METAP2: variants seen among roughly 807,000 people sequenced by gnomAD.
The protein encoded by METAP2 is methionyl aminopeptidase 2, also known as methionine aminopeptidase 2.
Under a neutral mutation model 59.4 loss-of-function variants are expected in METAP2, and 25 were observed. The observed-to-expected ratio is 0.42, with a 90% CI of 0.31 to 0.59. The LOEUF is 0.59. METAP2 is among the 20% of genes least tolerant of loss of function. The pLI is 0.16. For missense variants in METAP2, 366 were observed against 581.2 expected, an observed-to-expected ratio of 0.63 and a Z score of 3.81; for synonymous variants, 214 against 194.1, an observed-to-expected ratio of 1.10 and a Z score of -0.85.
intron 2 of METAP2, among the ~76,000 whole-genome samples, chr12:95,481,815 A>G (rs1385251939): frequency 1.3e-5 from 2 of 152,224 alleles, no homozygotes; most frequent in African/African-American, 4.8e-5. Context: ...GTTGTGCTAC[A>G]TACACTAGGT....
At chr12:95,476,885 T>G (rs1203414483) in intron 2 of METAP2, among the ~76,000 whole-genome samples, 1 of 152,200 alleles carries the variant, frequency 6.6e-6, no homozygotes, top group Non-Finnish European at 1.5e-5. Context: ...AGTAACCTAC[T>G]TGTGCTTAGA....
At chr12:95,478,726 TG>T (rs2076138479) in intron 2 of METAP2, among the ~76,000 whole-genome samples, 1 of 152,136 alleles carries the variant, frequency 6.6e-6, no homozygotes, top group Non-Finnish European at 1.5e-5. Context: ...TAAAATTTAT[TG>T]AAATTTGGTG....
At chr12:95,475,789 T>G (rs1428165602) in intron 1 of METAP2, among the ~76,000 whole-genome samples, 2 of 152,136 alleles carry the variant, frequency 1.3e-5, no homozygotes, top group Non-Finnish European at 1.5e-5. Context: ...CTGACCACTA[T>G]TACAAGTTAA....
chr12:95,492,124 A>ATGTATGTGTG (rs2076242006), intron 4 of METAP2, among the ~76,000 whole-genome samples: 2 of 81,490 alleles, frequency 2.5e-5, no homozygotes, highest in African/African-American at 7.2e-5. Context: ...GTGTATGTAT[A>ATGTATGTGTG]TGTGTGTTTG....
intron 6 of METAP2, 60 bp from the exon 7 acceptor site, chr12:95,495,944 G>A: frequency 2.0e-6 from 2 of 1,019,624 alleles, no homozygotes; most frequent in Non-Finnish European, 3.0e-6. Context: ...ATTAAATGCT[G>A]TAAAGTAGAT....
chr12:95,481,783 TATC>T (rs1464396366), intron 2 of METAP2, among the ~76,000 whole-genome samples: 1 of 152,234 alleles, frequency 6.6e-6, no homozygotes, highest in African/African-American at 2.4e-5. Context: ...ATTGGTGATG[TATC>T]TTCAAGTATT....
At chr12:95,486,098 G>A in intron 4 of METAP2, 117 bp downstream of exon 4, 1 of 721,922 alleles carries the variant, frequency 1.4e-6, no homozygotes, top group South Asian at 1.9e-5. Context: ...TTATAAATTT[G>A]TCATAAAGAA....
At chr12:95,484,737 G>A in intron 3 of METAP2, 1 of 401,364 alleles carries the variant, frequency 2.5e-6, no homozygotes, top group Non-Finnish European at 4.8e-6. Flanking sequence ...TAGTATCAAG[G>A]ATAATTGTGT....
intron 7 of METAP2, among the ~76,000 whole-genome samples, chr12:95,499,719 T>C (rs556626747): frequency 6.6e-6 from 1 of 152,252 alleles, no homozygotes; most frequent in South Asian, 2.1e-4. Context: ...TTCACACTGC[T>C]ATAAAGAAAT....
At chr12:95,483,105 C>G in intron 2 of METAP2, 110 bp from the exon 3 acceptor site, 1 of 827,844 alleles carries the variant, frequency 1.2e-6, no homozygotes, top group Non-Finnish European at 2.1e-6. Flanking sequence ...ATAAAATAAA[C>G]TAACGTTTGT....
chr12:95,511,892 C>T lies in METAP2; in HGVS notation c.965-3C>T. ...ACTTTTATTTCCCTATTTTTTATAA[C>T]AGTGAAACCAATCCGTAATCTAAAT... On this transcript the variant is annotated splice_region_variant and splice_polypyrimidine_tract_variant and intron_variant, in intron 8 of 10. Coordinates refer to ENST00000323666, the MANE Select transcript of METAP2 (RefSeq NM_006838.4). 1 of 1,592,096 alleles carries T rather than the reference C, an allele frequency of 6.3e-7. No homozygotes were observed. The highest frequency in any genetic ancestry group is 1.1e-5 in the South Asian group (1 of 88,558).
At chr12:95,497,574 T>G (rs956496848) in intron 7 of METAP2, among the ~76,000 whole-genome samples, 2 of 152,216 alleles carry the variant, frequency 1.3e-5, no homozygotes, top group Non-Finnish European at 2.9e-5. Context: ...TGTTTTCAAT[T>G]CTTGGGTATA....
At chr12:95,512,716 G>A in intron 9 of METAP2, 85 bp from the exon 10 acceptor site, 1 of 656,264 alleles carries the variant, frequency 1.5e-6, no homozygotes, top group Non-Finnish European at 2.6e-6. Flanking sequence ...GTCTCAAAAA[G>A]AGAGAGAGAG....
At chr12:95,512,683 G>C (rs1375313553) in intron 9 of METAP2, 118 bp from the exon 10 acceptor site, 8 of 623,224 alleles carry the variant, frequency 1.3e-5, no homozygotes, top group Non-Finnish European at 1.9e-5. Flanking sequence ...CTGCACTCCA[G>C]CCTGGCAGCA....
intron 8 of METAP2, among the ~76,000 whole-genome samples, chr12:95,504,769 G>T (rs1048630710): frequency 3.3e-5 from 5 of 152,230 alleles, no homozygotes; most frequent in Non-Finnish European, 5.9e-5. Flanking sequence ...CTCCCAAAGT[G>T]CAGGGATAAC....
intron 6 of METAP2, among the ~76,000 whole-genome samples, chr12:95,495,379 A>G (rs950649813): frequency 6.6e-6 from 1 of 152,166 alleles, no homozygotes; most frequent in Non-Finnish European, 1.5e-5. Context: ...ACTGTTGGGT[A>G]GTTGAGGTTT....
chr12:95,497,468 A>G (rs890778274), intron 7 of METAP2, among the ~76,000 whole-genome samples: 31 of 152,226 alleles, frequency 2.0e-4, no homozygotes, highest in African/African-American at 7.2e-4. Context: ...TTGCTTATCC[A>G]TTCATCCACT....
chr12:95,495,567 TCTTA>T (rs2076270337), intron 6 of METAP2, among the ~76,000 whole-genome samples: 1 of 152,206 alleles, frequency 6.6e-6, no homozygotes, highest in Non-Finnish European at 1.5e-5. Context: ...CACCTTGTTA[TCTTA>T]CTTACAAGTG....
At position 95,514,656 on chromosome 12, in the gene METAP2, A is replaced by G. The variant is rs200374797; in HGVS notation, c.*752A>G. On this transcript the variant is annotated 3_prime_UTR_variant, in exon 11 of 11. Transcript: ENST00000323666. The stretch of plus-strand genomic sequence containing the variant: ...AACATTGTGCCAACTCAAAACCTTG[A>G]TTTAGTAAAAATCTCAATGTTTAGA... 8.5e-5 allele frequency: 13 copies of G among 152,286 alleles called. No homozygotes were observed. The highest frequency in any genetic ancestry group is 4.6e-4 in the Admixed American group (7 of 15,294). 9.4% of individuals were successfully genotyped at this position (152,286 alleles called of 1,614,324 possible).
Sources: gnomAD v4.1 joint callset for allele counts (sites outside exome capture counted in the v4.1 genomes callset) on GRCh38, gnomAD v4.1.1 for gene constraint, MANE v1.5 for transcripts, NCBI Gene and HGNC (gene_info 2026-07-23, HGNC 2026-07-21) for gene names.